Variants in GLCCI1 observed in about 807,000 individuals in gnomAD.
The protein encoded by GLCCI1 is glucocorticoid induced 1.
Under a neutral mutation model 52.2 loss-of-function variants are expected in GLCCI1, and 24 were observed. The ratio of observed to expected loss-of-function variants is 0.46; its 90% CI spans 0.33 to 0.65. The LOEUF is 0.65. Ranked by LOEUF, GLCCI1 falls within the 30% of genes least tolerant of loss-of-function variation. The probability of loss-of-function intolerance (pLI) is 0.02; values close to 1 mark genes in which losing one functional copy is unlikely to be tolerated. For synonymous variants in GLCCI1, 310 were observed against 276.5 expected (o/e 1.12, Z -1.20); for missense variants, 704 against 701.5 (o/e 1.00, Z -0.04).
intron 2 of GLCCI1, among the ~76,000 whole-genome samples, chr7:8,015,864 T>G (rs1430154496): frequency 2.0e-5 from 3 of 152,364 alleles, no homozygotes; most frequent in Non-Finnish European, 4.4e-5. Flanking sequence ...ATACCCCCGT[T>G]ACCCTGATAC....
chr7:7,969,261 C>G lies in GLCCI1; in HGVS notation c.-90C>G. 5 of 1,195,996 alleles carry G rather than the reference C, an allele frequency of 4.2e-6. No individual in the cohort carries two copies. Among genetic ancestry groups the G allele is most frequent in the Non-Finnish European group, 5.3e-6 (5 of 950,758 alleles). The allele number at this position is 1,195,996 out of a possible 1,614,324, so 74.1% of individuals were successfully genotyped here. On this transcript the variant is annotated 5_prime_UTR_variant, in exon 1 of 8. Transcript: ENST00000223145. The surrounding 1 kb of genome is among the most constrained non-coding windows in gnomAD (Gnocchi z 4.9). Reference sequence around the variant, plus strand: ...CGCCCCTCCCCCTTACACACTCGCACGCACTATCGCGCCGGCTCCCACACG... The same window carrying G: ...CGCCCCTCCCCCTTACACACTCGCAGGCACTATCGCGCCGGCTCCCACACG...
chr7:7,976,505 G>GAAAAAAAAAAA (rs1562413230), intron 1 of GLCCI1, among the ~76,000 whole-genome samples: 15 of 87,590 alleles, frequency 1.7e-4, no homozygotes, highest in African/African-American at 4.0e-4. Context: ...AAAAGGAAAG[G>GAAAAAAAAAAA]AAAAAGGAAA....
intron 1 of GLCCI1, among the ~76,000 whole-genome samples, chr7:7,988,101 A>C (rs959373005): frequency 2.6e-5 from 4 of 152,104 alleles, no homozygotes; most frequent in African/African-American, 9.7e-5. Context: ...GGAATATGAG[A>C]ATATAGTCTT....
At chr7:7,974,257 A>G (rs760624147) in intron 1 of GLCCI1, among the ~76,000 whole-genome samples, 5 of 152,164 alleles carry the variant, frequency 3.3e-5, no homozygotes, top group African/African-American at 4.8e-5. Context: ...ATGAATTTAT[A>G]GTTATTTAAT....
At chr7:8,036,366 CA>C (rs1230751607) in intron 3 of GLCCI1, among the ~76,000 whole-genome samples, 2 of 152,056 alleles carry the variant, frequency 1.3e-5, no homozygotes, top group African/African-American at 4.8e-5. Context: ...AGGCCATACA[CA>C]ACATATATTA....
At chr7:7,974,140 A>G (rs1163837360) in intron 1 of GLCCI1, among the ~76,000 whole-genome samples, 2 of 152,182 alleles carry the variant, frequency 1.3e-5, no homozygotes, top group Middle Eastern at 3.2e-3. Context: ...TCAGAAAACT[A>G]TGCTAGAGAG....
At chr7:8,084,534 A>G (rs1464159242) in intron 6 of GLCCI1, 1 of 163,814 alleles carries the variant, frequency 6.1e-6, no homozygotes, top group African/African-American at 2.4e-5. Flanking sequence ...AGAACCCTGT[A>G]TCATTATAAT....
At chr7:8,053,147 G>A (rs1489163626) in intron 3 of GLCCI1, among the ~76,000 whole-genome samples, 1 of 151,784 alleles carries the variant, frequency 6.6e-6, no homozygotes, top group African/African-American at 2.4e-5. Context: ...CAGATGTTAA[G>A]TAAGGCCAGT....
At chr7:8,023,820 A>G (rs563308476) in intron 3 of GLCCI1, among the ~76,000 whole-genome samples, 1 of 151,786 alleles carries the variant, frequency 6.6e-6, no homozygotes, top group South Asian at 2.1e-4. Flanking sequence ...GCTAGTCTCG[A>G]ACTCCTGACC....
In GLCCI1 at chr7:8,055,971, C is replaced by A. The variant is rs1258599881; in HGVS notation, c.813+422C>A. Among the ~76,000 whole-genome samples the A allele has an allele frequency of 2.2e-5, 3 of 133,644 alleles. No homozygotes were observed. The East Asian group carries it at 6.6e-4, about 30-fold the overall frequency. 87.7% of individuals were successfully genotyped at this position (133,644 alleles called of 152,430 possible). On this transcript the variant is annotated intron_variant, in intron 4 of 7. Coordinates refer to ENST00000223145, the MANE Select transcript of GLCCI1 (RefSeq NM_138426.4). ...TCGCGCCGCTGCACTTCAGCCTGGGCGACAGAGCGAGACTCCGTCTCAAAA... is the reference window on the plus strand; with the variant it reads ...TCGCGCCGCTGCACTTCAGCCTGGGAGACAGAGCGAGACTCCGTCTCAAAA...
intron 3 of GLCCI1, among the ~76,000 whole-genome samples, chr7:8,044,225 A>G (rs1312964689): frequency 6.6e-6 from 1 of 152,154 alleles, no homozygotes; most frequent in Admixed American, 6.5e-5. Context: ...GATTACAGAC[A>G]TGAGCCACCG....
At chr7:7,988,268 T>G (rs572704497) in intron 1 of GLCCI1, among the ~76,000 whole-genome samples, 3 of 152,296 alleles carry the variant, frequency 2.0e-5, no homozygotes, top group African/African-American at 7.2e-5. Context: ...TTAATGCTGA[T>G]GAGCAGAGTT....
chr7:7,980,381 G>A (rs1780588259), intron 1 of GLCCI1: 1 of 208,488 alleles, frequency 4.8e-6, no homozygotes, highest in Non-Finnish European at 9.4e-6. Flanking sequence ...CAGCAGCCTT[G>A]CAACTGTGAA....
intron 3 of GLCCI1, among the ~76,000 whole-genome samples, chr7:8,033,490 A>G (rs1202591630): frequency 1.3e-5 from 2 of 152,150 alleles, no homozygotes; most frequent in Non-Finnish European, 2.9e-5. Context: ...ACATAATCCT[A>G]TATGTAAAAA....
chr7:8,006,603 G>C (rs1440210607), intron 2 of GLCCI1, among the ~76,000 whole-genome samples: 1 of 152,102 alleles, frequency 6.6e-6, no homozygotes, highest in Non-Finnish European at 1.5e-5. Flanking sequence ...CAAATATAAA[G>C]ACCAATATAC....
chr7:7,981,665 A>T, intron 1 of GLCCI1: 1 of 238,974 alleles, frequency 4.2e-6, no homozygotes. Flanking sequence ...AAAATGGACA[A>T]TATACTTATA....
In GLCCI1 at chr7:8,019,435, T is replaced by C. The variant is rs144078505; in HGVS notation, c.610-3048T>C. Among the ~76,000 whole-genome samples, 330 of 152,362 alleles carry C rather than the reference T, an allele frequency of 2.2e-3. 2 individuals carry two copies. The highest frequency in any genetic ancestry group is 7.5e-3 in the African/African-American group (313 of 41,590). On this transcript the variant is annotated intron_variant, in intron 2 of 7. Transcript: ENST00000223145. ...TATTTTAAATTGATGGAATTAAAAC[T>C]ACTCTTTGGGGGATATTTTTGGAAA...
At chr7:8,020,440 A>G (rs1047098863) in intron 2 of GLCCI1, among the ~76,000 whole-genome samples, 10 of 152,248 alleles carry the variant, frequency 6.6e-5, no homozygotes, top group African/African-American at 9.6e-5. Context: ...ATAAGTTTTC[A>G]TATTCATTTT....
At chr7:8,067,221 A>T (rs1421785610) in intron 5 of GLCCI1, among the ~76,000 whole-genome samples, 1 of 151,886 alleles carries the variant, frequency 6.6e-6, no homozygotes, top group African/African-American at 2.4e-5. Flanking sequence ...TCAGTGTTCC[A>T]TTTGGTTGGT....
Sources: gnomAD v4.1 joint callset for allele counts (sites outside exome capture counted in the v4.1 genomes callset) on GRCh38, gnomAD v4.1.1 for gene constraint, Gnocchi (gnomAD v3.1) non-coding constraint, MANE v1.5 for transcripts, NCBI Gene and HGNC (gene_info 2026-07-23, HGNC 2026-07-21) for gene names.